Variants in AGFG2 observed in about 807,000 individuals in gnomAD.
AGFG2 encodes arf-GAP domain and FG repeat-containing protein 2.
AGFG2 carries 31 observed loss-of-function variants against 48.0 expected under a neutral mutation model. The observed-to-expected ratio is 0.65, with a 90% confidence interval of 0.49 to 0.87. The LOEUF is 0.87. Ranked by LOEUF, AGFG2 falls within the 40% of genes least tolerant of loss-of-function variation. The pLI is 0.00. For synonymous variants in AGFG2, 229 were observed against 260.8 expected (o/e 0.88, Z 1.18); for missense variants, 599 against 632.6 (o/e 0.95, Z 0.57).
In AGFG2 at chr7:100,561,055, G is replaced by A. The variant is rs185627145; in HGVS notation, c.878-1204G>A. Among the ~76,000 whole-genome samples the A allele has an allele frequency of 7.3e-4, 108 of 147,708 alleles. 1 individual carries two copies. Among genetic ancestry groups the A allele is most frequent in the Admixed American group, 4.0e-3 (59 of 14,610 alleles). ...AGGTTGGTCTTGATCTCCTGACCTC[G>A]TGATCCGCCCTCCTCGGCCTCCCAA... On this transcript the variant is annotated intron_variant, in intron 6 of 11. Coordinates refer to ENST00000300176, the MANE Select transcript of AGFG2 (RefSeq NM_006076.5).
intron 1 of AGFG2, among the ~76,000 whole-genome samples, chr7:100,547,239 C>G (rs1027973669): frequency 8.6e-5 from 12 of 139,828 alleles, no homozygotes; most frequent in Admixed American, 6.5e-4. Flanking sequence ...CACTTGGATT[C>G]TGTGTGTGCA....
intron 3 of AGFG2, among the ~76,000 whole-genome samples, chr7:100,552,061 A>G (rs370858777): frequency 6.6e-6 from 1 of 151,924 alleles, no homozygotes; most frequent in East Asian, 1.9e-4. Flanking sequence ...CCTGGCCAAG[A>G]TGGTGAAACC....
intron 6 of AGFG2, chr7:100,556,401 G>T: frequency 3.8e-6 from 1 of 261,112 alleles, no homozygotes; most frequent in Non-Finnish European, 7.8e-6. Flanking sequence ...AAAGCATTCT[G>T]CTCCTTCCTA....
rs1324897740 is a variant in AGFG2, at chr7:100,563,867, G to C, written c.1205G>C (p.Gly402Ala). The C allele has an allele frequency of 1.2e-6, 2 of 1,610,998 alleles. No individual in the cohort carries two copies. Among genetic ancestry groups the C allele is most frequent in the East Asian group, 4.5e-5 (2 of 44,882 alleles). The stretch of plus-strand genomic sequence containing the variant: ...TTTGGGATGAGCAGTGCTGGGCCTG[G>C]CTTCCCCCAGGCAGTGCCACCCACT... ...PGFGMSSAGPGFPQAVPPTGA... is the reference protein window; with the variant it reads ...PGFGMSSAGPAFPQAVPPTGA... Residue 402 changes from glycine to alanine, a missense_variant, in exon 10 of 12, where the codon GGC becomes GCC. Gly to Ala is a moderately conservative substitution (Grantham distance 60, BLOSUM62 0). Coordinates refer to ENST00000300176, the MANE Select transcript of AGFG2 (RefSeq NM_006076.5).
At chr7:100,555,271 T>G (rs2131115447) in intron 5 of AGFG2, among the ~76,000 whole-genome samples, 1 of 136,536 alleles carries the variant, frequency 7.3e-6, no homozygotes, top group Admixed American at 7.2e-5. Context: ...TGGTTTTTTT[T>G]TTTTTTTTTT....
Position 100,562,809 on chromosome 7 carries a change from GAAAA to G in AGFG2, c.1088-50_1088-47del. On this transcript the variant is annotated intron_variant, in intron 8 of 11. Coordinates refer to ENST00000300176, the MANE Select transcript of AGFG2 (RefSeq NM_006076.5). The surrounding 1 kb of genome is among the most constrained non-coding windows in gnomAD (Gnocchi z 5.4). ...AGGCATCACAGGATGAAGCACGTGA[GAAAA>G]AAAGTAACCATCTCTCTCTTTCCTG... 3 of 1,606,468 alleles carry G rather than the reference GAAAA, an allele frequency of 1.9e-6. No individual in the cohort carries two copies. The highest frequency in any genetic ancestry group is 1.1e-5 in the South Asian group (1 of 90,818).
intron 11 of AGFG2, 66 bp from the exon 12 acceptor site, chr7:100,564,865 GC>G: frequency 8.3e-6 from 13 of 1,561,064 alleles, no homozygotes; most frequent in Non-Finnish European, 1.1e-5. Context: ...AGGACTCCTG[GC>G]TGCCTTTCTT....
rs931451306 is a variant in AGFG2 at position 100,562,146 on chromosome 7, A to G, written c.878-113A>G. ...GGCTGCCTCAGAGAACCCAGCAGGCACCTGTCATGCCATGACTCCAATCCA... is the reference window on the plus strand; with the variant it reads ...GGCTGCCTCAGAGAACCCAGCAGGCGCCTGTCATGCCATGACTCCAATCCA... On this transcript the variant is annotated intron_variant, in intron 6 of 11. Coordinates refer to ENST00000300176, the MANE Select transcript of AGFG2 (RefSeq NM_006076.5). The surrounding 1 kb of genome is among the most constrained non-coding windows in gnomAD (Gnocchi z 5.4). The G allele has an allele frequency of 1.4e-6, 2 of 1,417,248 alleles. No individual in the cohort carries two copies. Among genetic ancestry groups the G allele is most frequent in the Admixed American group, 3.9e-5 (2 of 51,930 alleles). 87.8% of individuals were successfully genotyped at this position (1,417,248 alleles called of 1,614,324 possible). A position where few individuals can be genotyped will look rare whatever the true frequency, so the allele number is the denominator to read the frequency against.
Position 100,548,862 on chromosome 7 carries a change from A to G in AGFG2, c.262A>G (p.Met88Val), listed in dbSNP as rs761140456. The change falls in exon 2 of 12, where the codon ATG (methionine) becomes GTG (valine). Residue 88 changes from methionine (M) to valine (V), a missense_variant. Met to Val is a conservative substitution (Grantham distance 21). Transcript: ENST00000300176. The stretch of plus-strand genomic sequence containing the variant: ...CCCTCATCGTGTCAAGTCAATCTCC[A>G]TGACAACTTTCACTGAGCCTGAAGT... ...NPPHRVKSIS[M>V]TTFTEPEVVF... is the part of the protein sequence containing the mutation. The G allele has an allele frequency of 3.1e-6, 5 of 1,613,604 alleles. No homozygotes were observed. In the African/African-American group the frequency reaches 5.3e-5, roughly 17 times the overall value.
chr7:100,556,634 A>T (rs182248310), intron 6 of AGFG2: 1 of 1,289,188 alleles, frequency 7.8e-7, no homozygotes. Context: ...TTGGTAAGTT[A>T]TTATCCCCAC....
chr7:100,540,059 G>A (rs1800393159), intron 1 of AGFG2, among the ~76,000 whole-genome samples: 2 of 151,696 alleles, frequency 1.3e-5, no homozygotes, highest in Admixed American at 6.6e-5. Flanking sequence ...CCCTGCTGGA[G>A]TGTGAGATGC....
intron 3 of AGFG2, among the ~76,000 whole-genome samples, chr7:100,551,552 C>G (rs1248783391): frequency 6.6e-6 from 1 of 151,564 alleles, no homozygotes; most frequent in South Asian, 2.1e-4. Context: ...TCTGTAGATT[C>G]TGCAACCATG....
chr7:100,560,047 C>A (rs764731183), intron 6 of AGFG2, among the ~76,000 whole-genome samples: 7 of 152,168 alleles, frequency 4.6e-5, no homozygotes, highest in Non-Finnish European at 1.0e-4. Context: ...AGGACCACAG[C>A]AGCACAAAGA....
chr7:100,561,711 A>T (rs917624448), intron 6 of AGFG2, among the ~76,000 whole-genome samples: 1 of 152,202 alleles, frequency 6.6e-6, no homozygotes, highest in Non-Finnish European at 1.5e-5. Context: ...GGCTGGCCCC[A>T]TGAACAGTGC....
chr7:100,553,295 G>A (rs368104168), intron 3 of AGFG2, 52 bp from the exon 4 acceptor site: 90 of 1,599,492 alleles, frequency 5.6e-5, no homozygotes, highest in Middle Eastern at 3.3e-4. Context: ...TCAGCTGAGC[G>A]TGGTCCAAAG....
chr7:100,551,066 A>ATTTTT (rs1800631293), intron 3 of AGFG2, among the ~76,000 whole-genome samples: 1 of 69,712 alleles, frequency 1.4e-5, no homozygotes, highest in African/African-American at 6.4e-5. Flanking sequence ...ATATATATAT[A>ATTTTT]TTTCTTTTTT....
chr7:100,559,289 T>C (rs1193628766), intron 6 of AGFG2, among the ~76,000 whole-genome samples: 1 of 152,134 alleles, frequency 6.6e-6, no homozygotes, highest in African/African-American at 2.4e-5. Flanking sequence ...CTAATGCTGA[T>C]AATTGGCAGA....
rs1801018974 is a variant in AGFG2 at position 100,566,840 on chromosome 7, C to T, written c.*1849C>T. The T allele has an allele frequency of 6.6e-6, 1 of 152,252 alleles. No homozygotes were observed. Among genetic ancestry groups the T allele is most frequent in the Admixed American group, 6.5e-5 (1 of 15,278 alleles). 9.4% of individuals were successfully genotyped at this position (152,252 alleles called of 1,614,324 possible). A position where few individuals can be genotyped will look rare whatever the true frequency, so the allele number is the denominator to read the frequency against. ...TCTCTGTGTCCCTCTACCTAATTCT[C>T]TTACCAGTTCTTTCCTTTCTGCTTA... On this transcript the variant is annotated 3_prime_UTR_variant, in exon 12 of 12. Transcript: ENST00000300176.
In AGFG2 at chr7:100,562,491, T is replaced by C; in HGVS notation, c.999-103T>C. On this transcript the variant is annotated intron_variant, in intron 7 of 11. Coordinates refer to ENST00000300176, the MANE Select transcript of AGFG2 (RefSeq NM_006076.5). This position sits in a 1 kb window ranked among gnomAD's most constrained non-coding sequence, Gnocchi z 5.4. ...CTGGCAGTTCTCCCCTCCCCTCCTC[T>C]CCCTTACTCACCCTGGAGAGCAGGG... 4 of 1,601,136 alleles carry C rather than the reference T, an allele frequency of 2.5e-6. No individual in the cohort carries two copies. The highest frequency in any genetic ancestry group is 3.4e-6 in the Non-Finnish European group (4 of 1,173,056).
Sources: gnomAD v4.1 joint callset for allele counts (sites outside exome capture counted in the v4.1 genomes callset) on GRCh38, gnomAD v4.1.1 for gene constraint, Gnocchi (gnomAD v3.1) non-coding constraint, MANE v1.5 for transcripts, NCBI Gene and HGNC (gene_info 2026-07-23, HGNC 2026-07-21) for gene names.